SERPINA5: variants seen among roughly 807,000 people sequenced by gnomAD.
SERPINA5 encodes serpin family A member 5.
Under a neutral mutation model 25.3 loss-of-function variants are expected in SERPINA5, and 25 were observed. That is an observed-to-expected ratio of 0.99 (90% CI 0.72 to 1.38). The LOEUF (loss-of-function observed/expected upper bound fraction) is 1.38. SERPINA5 is among the 40% of genes most tolerant of loss of function. The pLI is 0.00. For synonymous variants in SERPINA5, 234 were observed against 206.2 expected (o/e 1.14, Z -1.16); for missense variants, 599 against 509.5 (o/e 1.18, Z -1.69).
chr14:94,587,832 C>T lies in SERPINA5; in HGVS notation c.470C>T (p.Thr157Ile). 1 of 1,613,976 alleles carries T rather than the reference C, an allele frequency of 6.2e-7. No individual in the cohort carries two copies. ...SAMKTLYLAD[T>I]FPTNFRDSAG... ...ATGAAGACGCTGTACCTGGCAGACA[C>T]TTTCCCTACCAACTTTAGGGACTCT... Residue 157 changes from threonine (T) to isoleucine (I), a missense_variant, in exon 3 of 6, where the codon ACT (threonine) becomes ATT (isoleucine). Physicochemically the swap from Thr to Ile is moderately conservative, Grantham distance 89. Transcript: ENST00000329597.
rs781680428 is a variant in SERPINA5 at position 94,590,772 on chromosome 14, A to G, written c.914A>G (p.Lys305Arg). 6.2e-7 allele frequency: 1 copy of G among 1,613,842 alleles called. No individual in the cohort carries two copies. Among genetic ancestry groups the G allele is most frequent in the South Asian group, 1.1e-5 (1 of 91,052 alleles). The change falls in exon 5 of 6, where the codon AAA becomes AGA. Residue 305 changes from lysine (K) to arginine (R), a missense_variant. Transcript: ENST00000329597. ...AGGCAGCTCGAGCTTTACCTTCCCA[A>G]ATTCTCCATTGAGGGCTCCTATCAG... ...KKRQLELYLP[K>R]FSIEGSYQLE... is the part of the protein sequence containing the mutation.
At position 94,587,782 on chromosome 14, in the gene SERPINA5, C is replaced by A; in HGVS notation, c.420C>A (p.Asp140Glu). The A allele has an allele frequency of 6.2e-7, 1 of 1,614,194 alleles. No homozygotes were observed. The highest frequency in any genetic ancestry group is 1.1e-5 in the South Asian group (1 of 91,088). ...CCCTTTTCACCGACCTGGTGGTAGA[C>A]CTGCAGGACACCTTCGTAAGTGCCA... The part of the protein sequence containing the change: ...GNALFTDLVV[D>E]LQDTFVSAMK... The change falls in exon 3 of 6, where the codon GAC becomes GAA. Residue 140 changes from aspartate to glutamate, a missense_variant. Asp to Glu is a conservative substitution (Grantham distance 45). Coordinates refer to ENST00000329597, the MANE Select transcript of SERPINA5 (RefSeq NM_000624.6).
chr14:94,582,661 T>C lies in SERPINA5; in HGVS notation c.-18+951T>C, dbSNP rs530409936. ...ACAGAGAAGGAGACTGGTCAGTTCA[T>C]TCATTCATTCATTCTACAAAGGTTT... On this transcript the variant is annotated intron_variant, in intron 2 of 5. Transcript: ENST00000329597. Among the ~76,000 whole-genome samples the C allele has an allele frequency of 2.1e-4, 32 of 152,318 alleles. 2 individuals are homozygous for C. In the South Asian group the frequency reaches 6.6e-3, roughly 32 times the overall value.
rs1371401117 is a variant in SERPINA5, at chr14:94,592,790, C to T, written c.*551C>T. On this transcript the variant is annotated 3_prime_UTR_variant, in exon 6 of 6. Coordinates refer to ENST00000329597, the MANE Select transcript of SERPINA5 (RefSeq NM_000624.6). ...TTTCCCTCTCTGGACCTCAGTTTCCCTCTGTATACAAGGATCAGATTCTTG... is the reference window on the plus strand; with the variant it reads ...TTTCCCTCTCTGGACCTCAGTTTCCTTCTGTATACAAGGATCAGATTCTTG... The T allele has an allele frequency of 6.5e-6, 1 of 152,986 alleles. No individual in the cohort carries two copies. The highest frequency in any genetic ancestry group is 6.5e-5 in the Admixed American group (1 of 15,448). 9.5% of individuals were successfully genotyped at this position (152,986 alleles called of 1,614,324 possible).
intron 5 of SERPINA5, 57 bp from the exon 6 acceptor site, chr14:94,592,000 C>T: frequency 6.4e-7 from 1 of 1,557,488 alleles, no homozygotes; most frequent in Non-Finnish European, 8.7e-7. Flanking sequence ...TTGCCATTTG[C>T]TATGATGACT....
chr14:94,590,372 C>T (rs2139930687), intron 4 of SERPINA5, 61 bp downstream of exon 4: 5 of 1,520,784 alleles, frequency 3.3e-6, no homozygotes, highest in East Asian at 4.6e-5. Flanking sequence ...GACACACACG[C>T]CCTACCAGGG....
intron 2 of SERPINA5, among the ~76,000 whole-genome samples, chr14:94,583,253 A>G (rs755147307): frequency 6.6e-6 from 1 of 152,248 alleles, no homozygotes; most frequent in Non-Finnish European, 1.5e-5. Flanking sequence ...CTGTATATAG[A>G]AAGCCTTTCA....
intron 2 of SERPINA5, among the ~76,000 whole-genome samples, chr14:94,583,252 G>A (rs1884971703): frequency 6.6e-6 from 1 of 152,218 alleles, no homozygotes; most frequent in Admixed American, 6.5e-5. Flanking sequence ...GCTGTATATA[G>A]AAAGCCTTTC....
In SERPINA5 at chr14:94,592,284, A is replaced by C. The variant is rs1338148078; in HGVS notation, c.*45A>C. 1.3e-6 allele frequency: 2 copies of C among 1,576,470 alleles called. No homozygotes were observed. Among genetic ancestry groups the C allele is most frequent in the African/African-American group, 2.7e-5 (2 of 73,980 alleles). On this transcript the variant is annotated 3_prime_UTR_variant, in exon 6 of 6. Coordinates refer to ENST00000329597, the MANE Select transcript of SERPINA5 (RefSeq NM_000624.6). Reference sequence around the variant, plus strand: ...TCTACAGGCCTCAGGGTGGGAGATGAAGGGGGCTAAGCTATGGCCCATCTG... The same window carrying C: ...TCTACAGGCCTCAGGGTGGGAGATGCAGGGGGCTAAGCTATGGCCCATCTG...
chr14:94,590,427 C>T, intron 4 of SERPINA5, 116 bp downstream of exon 4: 10 of 1,319,420 alleles, frequency 7.6e-6, no homozygotes, highest in Non-Finnish European at 1.0e-5. Flanking sequence ...AAGGAGCTGC[C>T]TCCAGGCCCA....
chr14:94,590,598 G>A, intron 4 of SERPINA5, 151 bp from the exon 5 acceptor site: 1 of 948,290 alleles, frequency 1.1e-6, no homozygotes. Flanking sequence ...AAAGAGGCCA[G>A]AGGAGCCATA....
At chr14:94,590,704 C>T (rs1404536429) in intron 4 of SERPINA5, 45 bp from the exon 5 acceptor site, 3 of 1,580,614 alleles carry the variant, frequency 1.9e-6, no homozygotes, top group Non-Finnish European at 2.6e-6. Context: ...GCTCAGTGTG[C>T]CAATGCCCCA....
Position 94,587,598 on chromosome 14 carries a change from T to G in SERPINA5, c.236T>G (p.Leu79Arg), listed in dbSNP as rs1198592497. 2.5e-6 allele frequency: 4 copies of G among 1,613,966 alleles called. No individual in the cohort carries two copies. The South Asian group carries it at 4.4e-5, about 18-fold the overall frequency. Residue 79 changes from leucine to arginine, a missense_variant, in exon 3 of 6, where the codon CTC becomes CGC. Physicochemically the swap from Leu to Arg is moderately radical, Grantham distance 102. Coordinates refer to ENST00000329597, the MANE Select transcript of SERPINA5 (RefSeq NM_000624.6). ...AGCATCTCCATGAGCCTGGCCATGC[T>G]CTCCCTGGGGGCTGGGTCCAGCACA... ...PVSISMSLAM[L>R]SLGAGSSTKM...
chr14:94,591,301 A>C (rs1595082302), intron 5 of SERPINA5, among the ~76,000 whole-genome samples: 3 of 91,676 alleles, frequency 3.3e-5, no homozygotes, highest in Admixed American at 1.2e-4. Flanking sequence ...ACTCCACTCC[A>C]CTCATCCACT....
Position 94,590,022 on chromosome 14 carries a change from TCCC to T in SERPINA5, c.620-18_620-16del. The T allele has an allele frequency of 6.4e-7, 1 of 1,557,306 alleles. No homozygotes were observed. ...CTGACACAAAATTCTTTTTCATTTTTCCCTTTTTTCATCTTTAGCTAAGTGGGA... is the reference window on the plus strand; with the variant it reads ...CTGACACAAAATTCTTTTTCATTTTTTTTTTTCATCTTTAGCTAAGTGGGA... On this transcript the variant is annotated splice_polypyrimidine_tract_variant and intron_variant, in intron 3 of 5. Coordinates refer to ENST00000329597, the MANE Select transcript of SERPINA5 (RefSeq NM_000624.6).
At chr14:94,584,954 AC>A (rs1229043915) in intron 2 of SERPINA5, among the ~76,000 whole-genome samples, 1 of 152,186 alleles carries the variant, frequency 6.6e-6, no homozygotes, top group African/African-American at 2.4e-5. Flanking sequence ...CATGGTGGGA[AC>A]AGGTAGGGAG....
In SERPINA5 at chr14:94,590,872, C is replaced by A; in HGVS notation, c.1014C>A (p.Asn338Lys). 6.2e-7 allele frequency: 1 copy of A among 1,612,528 alleles called. No homozygotes were observed. The highest frequency in any genetic ancestry group is 8.5e-7 in the Non-Finnish European group (1 of 1,179,064). Residue 338 changes from asparagine to lysine, a missense_variant, in exon 5 of 6, where the codon AAC becomes AAA. Asn to Lys is a moderately conservative substitution (Grantham distance 94, BLOSUM62 0). Transcript: ENST00000329597. ...ATGCTGATCTGTCCGGCATCAGCAA[C>A]CACTCAAATATCCAGGTGTCTGAGG... ...TSHADLSGISNHSNIQVSEMV... is the reference protein window; with the variant it reads ...TSHADLSGISKHSNIQVSEMV...
rs745627399 is a variant in SERPINA5 at position 94,590,238 on chromosome 14, G to A, written c.817G>A (p.Gly273Arg). 3.7e-6 allele frequency: 6 copies of A among 1,613,682 alleles called. No individual in the cohort carries two copies. The highest frequency in any genetic ancestry group is 5.1e-6 in the Non-Finnish European group (6 of 1,179,742). The change falls in exon 4 of 6, where the codon GGA becomes AGA. Residue 273 changes from glycine (G) to arginine (R), a missense_variant. Gly to Arg is a moderately radical substitution (Grantham distance 125). Coordinates refer to ENST00000329597, the MANE Select transcript of SERPINA5 (RefSeq NM_000624.6). ...ATALFILPSE[G>R]KMQQVENGLS... The stretch of plus-strand genomic sequence containing the variant: ...GGCTTTGTTCATTCTCCCCAGTGAG[G>A]GAAAGATGCAGCAGGTGGAGAATGG...
chr14:94,589,532 T>C (rs1198473822), intron 3 of SERPINA5, among the ~76,000 whole-genome samples: 9 of 152,092 alleles, frequency 5.9e-5, no homozygotes. Flanking sequence ...TAGCGTTTTG[T>C]TCAGAAGTTC....
Sources: gnomAD v4.1 joint callset for allele counts (sites outside exome capture counted in the v4.1 genomes callset) on GRCh38, gnomAD v4.1.1 for gene constraint, MANE v1.5 for transcripts, NCBI Gene and HGNC (gene_info 2026-07-23, HGNC 2026-07-21) for gene names.